The following ZNF385B variants were observed in gnomAD, a reference collection of about 807,000 sequenced individuals.
ZNF385B encodes the protein zinc finger protein 385B, also known as zinc finger protein 533.
ZNF385B carries 23 observed loss-of-function variants against 39.2 expected under a neutral mutation model. That is an observed-to-expected ratio of 0.59 (90% CI 0.42 to 0.83). ZNF385B has a LOEUF of 0.83. ZNF385B is among the 40% of genes least tolerant of loss of function. The probability of loss-of-function intolerance (pLI) is 0.00; values close to 1 mark genes in which losing one functional copy is unlikely to be tolerated. For synonymous variants in ZNF385B, 205 were observed against 222.6 expected, an observed-to-expected ratio of 0.92 and a Z score of 0.70; for missense variants, 552 against 598.9, an observed-to-expected ratio of 0.92 and a Z score of 0.82.
At chr2:179,746,538 A>G (rs1317626675) in intron 3 of ZNF385B, among the ~76,000 whole-genome samples, 1 of 152,184 alleles carries the variant, frequency 6.6e-6, no homozygotes, top group African/African-American at 2.4e-5. Context: ...ACAAAATACC[A>G]TCAATTTTAT....
In ZNF385B at chr2:179,521,994, G is replaced by A. The variant is rs80262291; in HGVS notation, c.442-3356C>T. Reference sequence around the variant, plus strand: ...CTGCTGTTTATTATTAAATTCTATAGTTATATTTTTATATTTAAATGTCAT... The same window carrying A: ...CTGCTGTTTATTATTAAATTCTATAATTATATTTTTATATTTAAATGTCAT... On this transcript the variant is annotated intron_variant, in intron 4 of 9. Transcript: ENST00000410066. Among the ~76,000 whole-genome samples the A allele has an allele frequency of 3.9e-3, 591 of 151,964 alleles. 5 individuals carry two copies. Among genetic ancestry groups the A allele is most frequent in the African/African-American group, 0.013 (521 of 41,474 alleles).
intron 3 of ZNF385B, among the ~76,000 whole-genome samples, chr2:179,621,392 C>T (rs1156233208): frequency 6.6e-6 from 1 of 152,130 alleles, no homozygotes; most frequent in Non-Finnish European, 1.5e-5. Context: ...TTGTGACACA[C>T]AATGTTCCTT....
At chr2:179,727,843 A>C (rs1334002631) in intron 3 of ZNF385B, among the ~76,000 whole-genome samples, 1 of 152,132 alleles carries the variant, frequency 6.6e-6, no homozygotes, top group African/African-American at 2.4e-5. Flanking sequence ...ATTTGTGAGC[A>C]GATGCCCAGA....
chr2:179,771,908 C>T (rs181774171), intron 1 of ZNF385B, among the ~76,000 whole-genome samples: 6 of 152,144 alleles, frequency 3.9e-5, no homozygotes, highest in African/African-American at 9.7e-5. Context: ...CAGGCACCAT[C>T]GTACTCAATC....
intron 3 of ZNF385B, among the ~76,000 whole-genome samples, chr2:179,654,657 C>T (rs1693553871): frequency 6.6e-6 from 1 of 152,126 alleles, no homozygotes; most frequent in African/African-American, 2.4e-5. Flanking sequence ...GGGGATGGCA[C>T]TTTTAGATTT....
intron 3 of ZNF385B, among the ~76,000 whole-genome samples, chr2:179,676,166 G>A (rs1410207075): frequency 6.6e-6 from 1 of 150,462 alleles, no homozygotes; most frequent in Non-Finnish European, 1.5e-5. Flanking sequence ...TCTGCTCACT[G>A]CAAGCTCTAC....
At chr2:179,643,989 T>C (rs779419214) in intron 3 of ZNF385B, among the ~76,000 whole-genome samples, 5 of 152,100 alleles carry the variant, frequency 3.3e-5, no homozygotes, top group Non-Finnish European at 7.4e-5. Context: ...ATCTGCTTAA[T>C]TTGATTCTCT....
chr2:179,588,523 G>T (rs1460590558), intron 3 of ZNF385B, among the ~76,000 whole-genome samples: 10 of 152,032 alleles, frequency 6.6e-5, no homozygotes, highest in Admixed American at 5.9e-4. Flanking sequence ...GGAGAAAGGG[G>T]GTGGTATTTG....
chr2:179,571,055 A>G (rs1023166524), intron 3 of ZNF385B, among the ~76,000 whole-genome samples: 8 of 152,200 alleles, frequency 5.3e-5, no homozygotes, highest in Non-Finnish European at 8.8e-5. Flanking sequence ...ACTACATTTG[A>G]TTAAAGTAGA....
chr2:179,672,054 A>G (rs569860011), intron 3 of ZNF385B, among the ~76,000 whole-genome samples: 44 of 152,368 alleles, frequency 2.9e-4, no homozygotes, highest in African/African-American at 9.6e-4. Context: ...CCTACAAAGC[A>G]GTGTGGACAG....
At chr2:179,628,655 C>T (rs1300433762) in intron 3 of ZNF385B, among the ~76,000 whole-genome samples, 1 of 152,186 alleles carries the variant, frequency 6.6e-6, no homozygotes, top group African/African-American at 2.4e-5. Flanking sequence ...AATTCTCCAT[C>T]AACCTTTCAT....
chr2:179,449,893 C>T (rs1327972154), intron 6 of ZNF385B, among the ~76,000 whole-genome samples: 2 of 151,562 alleles, frequency 1.3e-5, no homozygotes. Context: ...GGTACTGGTA[C>T]CAAAACAGAG....
At chr2:179,621,704 T>C (rs7558351) in intron 3 of ZNF385B, among the ~76,000 whole-genome samples, 78,705 of 151,976 alleles carry the variant, frequency 0.52, 20,655 homozygotes, top group Middle Eastern at 0.61. Flanking sequence ...CAAGATTTCA[T>C]CTGGAATTCT....
intron 6 of ZNF385B, among the ~76,000 whole-genome samples, chr2:179,451,511 T>G (rs1175746463): frequency 6.6e-6 from 1 of 152,088 alleles, no homozygotes; most frequent in Non-Finnish European, 1.5e-5. Context: ...AAAATTGAGA[T>G]GTATAGTATG....
chr2:179,458,640 A>G (rs1197118105), intron 6 of ZNF385B, among the ~76,000 whole-genome samples: 5 of 152,208 alleles, frequency 3.3e-5, no homozygotes, highest in Non-Finnish European at 7.3e-5. Context: ...TATCTATTAA[A>G]AAAACCTCTT....
At chr2:179,572,169 T>C (rs1685294457) in intron 3 of ZNF385B, among the ~76,000 whole-genome samples, 1 of 152,080 alleles carries the variant, frequency 6.6e-6, no homozygotes, top group African/African-American at 2.4e-5. Flanking sequence ...AACTTTGAGG[T>C]GTCTAGGAAT....
At chr2:179,745,969 A>G (rs1702359473) in intron 3 of ZNF385B, 1 of 1,211,268 alleles carries the variant, frequency 8.3e-7, no homozygotes, top group Non-Finnish European at 1.0e-6. Flanking sequence ...GGACAAGCAC[A>G]CTCTGAGTCA....
chr2:179,679,183 T>G lies in ZNF385B; in HGVS notation c.298+90320A>C, dbSNP rs115126622. Reference sequence around the variant, plus strand: ...AATGACAGAATGACAGATCCCATTTTAAATGGTGGTCCAATAAGATTATAA... The same window carrying G: ...AATGACAGAATGACAGATCCCATTTGAAATGGTGGTCCAATAAGATTATAA... On this transcript the variant is annotated intron_variant, in intron 3 of 9. Coordinates refer to ENST00000410066, the MANE Select transcript of ZNF385B (RefSeq NM_152520.6). Among the ~76,000 whole-genome samples the G allele has an allele frequency of 7.2e-3, 1,092 of 152,326 alleles. 12 individuals are homozygous for G. The highest frequency in any genetic ancestry group is 0.024 in the African/African-American group (978 of 41,576).
intron 3 of ZNF385B, among the ~76,000 whole-genome samples, chr2:179,629,272 T>C (rs112376479): frequency 5.3e-5 from 8 of 152,216 alleles, no homozygotes; most frequent in African/African-American, 1.9e-4. Flanking sequence ...AGATGACACC[T>C]ACAGAGTACT....
Sources: gnomAD v4.1 joint callset for allele counts (sites outside exome capture counted in the v4.1 genomes callset) on GRCh38, gnomAD v4.1.1 for gene constraint, MANE v1.5 for transcripts, NCBI Gene and HGNC (gene_info 2026-07-23, HGNC 2026-07-21) for gene names.